ANKRD28: variants seen among roughly 807,000 people sequenced by gnomAD.
The protein encoded by ANKRD28 is serine/threonine-protein phosphatase 6 regulatory ankyrin repeat subunit A.
Under a neutral mutation model 126.5 loss-of-function variants are expected in ANKRD28, and 44 were observed. The observed-to-expected ratio is 0.35, with a 90% confidence interval of 0.27 to 0.45. The LOEUF is 0.45. Ranked by LOEUF, ANKRD28 falls within the 20% of genes least tolerant of loss-of-function variation. The pLI is 1.00. For missense variants in ANKRD28, 1,110 were observed against 1,316.6 expected, an observed-to-expected ratio of 0.84 and a Z score of 2.43; for synonymous variants, 442 against 468.5, an observed-to-expected ratio of 0.94 and a Z score of 0.73.
chr3:15,842,606 G>A (rs1182683480), intron 1 of ANKRD28, among the ~76,000 whole-genome samples: 4 of 152,150 alleles, frequency 2.6e-5, no homozygotes, highest in African/African-American at 9.7e-5. Context: ...ATAACACAAA[G>A]CACAAATGCT....
chr3:15,796,785 C>T lies in ANKRD28; in HGVS notation c.-264G>A. On this transcript the variant is annotated 5_prime_UTR_variant, in exon 1 of 28. Transcript: ENST00000683139. ...CAATACTTAAGAAGAAATTTCACACCAACATGTCAATAACTAAAACTGAGT... is the reference window on the plus strand; with the variant it reads ...CAATACTTAAGAAGAAATTTCACACTAACATGTCAATAACTAAAACTGAGT... 1 of 991,084 alleles carries T rather than the reference C, an allele frequency of 1.0e-6. No individual in the cohort carries two copies. Among genetic ancestry groups the T allele is most frequent in the South Asian group, 4.4e-5 (1 of 22,644 alleles). The allele number at this position is 991,084 out of a possible 1,614,324, so 61.4% of individuals were successfully genotyped here. A position where few individuals can be genotyped will look rare whatever the true frequency, so the allele number is the denominator to read the frequency against.
intron 3 of ANKRD28, among the ~76,000 whole-genome samples, chr3:15,762,301 T>C (rs769836593): frequency 6.6e-5 from 10 of 151,678 alleles, no homozygotes; most frequent in Admixed American, 2.6e-4. Flanking sequence ...TTATCCTCTA[T>C]AGTGTCAACT....
chr3:15,769,394 T>G (rs1046695530), intron 2 of ANKRD28, among the ~76,000 whole-genome samples: 1 of 152,192 alleles, frequency 6.6e-6, no homozygotes, highest in Non-Finnish European at 1.5e-5. Flanking sequence ...CAAAATGTAT[T>G]AAAATTAAAA....
Position 15,715,964 on chromosome 3 carries a change from A to T in ANKRD28, c.997-1308T>A, listed in dbSNP as rs2072962064. Reference sequence around the variant, plus strand: ...AGGATATATCCTAATTTTTAATGTTAATATTTTAGCTATGGCCTTTTTTTT... The same window carrying T: ...AGGATATATCCTAATTTTTAATGTTTATATTTTAGCTATGGCCTTTTTTTT... On this transcript the variant is annotated intron_variant, in intron 8 of 27. Transcript: ENST00000683139. 2.0e-5 allele frequency among the ~76,000 whole-genome samples: 3 copies of T among 151,384 alleles called. 1 individual carries two copies. In the South Asian group the frequency reaches 6.2e-4, roughly 32 times the overall value.
rs2058734774 is a variant in ANKRD28, at chr3:15,766,329, A to G, written c.202-17T>C. 6 of 1,591,020 alleles carry G rather than the reference A, an allele frequency of 3.8e-6. No individual in the cohort carries two copies. The African/African-American group carries it at 6.7e-5, about 18-fold the overall frequency. ...TTCATTGTCCTGTGATAATAAGGAAAGGTGGGAAATAAGTTTTAAAATAAG... is the reference window on the plus strand; with the variant it reads ...TTCATTGTCCTGTGATAATAAGGAAGGGTGGGAAATAAGTTTTAAAATAAG... On this transcript the variant is annotated splice_polypyrimidine_tract_variant and intron_variant, in intron 2 of 27. Coordinates refer to ENST00000683139, the MANE Select transcript of ANKRD28 (RefSeq NM_001349278.2).
intron 1 of ANKRD28, among the ~76,000 whole-genome samples, chr3:15,841,230 A>G (rs1477503142): frequency 6.6e-6 from 1 of 152,226 alleles, no homozygotes; most frequent in East Asian, 1.9e-4. Flanking sequence ...AAGACCTCAA[A>G]CTATGAAACT....
intron 6 of ANKRD28, among the ~76,000 whole-genome samples, chr3:15,728,205 AAAAAG>A (rs1469262515): frequency 6.6e-6 from 1 of 152,240 alleles, no homozygotes. Flanking sequence ...AAAATTAATA[AAAAAG>A]AAAAAACAAA....
intron 4 of ANKRD28, chr3:15,738,918 A>G (rs1358628232): frequency 4.6e-5 from 7 of 152,198 alleles, no homozygotes; most frequent in Non-Finnish European, 1.0e-4. Flanking sequence ...ACCTCCCCCT[A>G]GGAATGCATT....
intron 4 of ANKRD28, among the ~76,000 whole-genome samples, chr3:15,745,558 A>C (rs547468465): frequency 6.6e-6 from 1 of 152,186 alleles, no homozygotes; most frequent in South Asian, 2.1e-4. Flanking sequence ...TTTCTGTTCC[A>C]TTGCTCTATA....
intron 1 of ANKRD28, among the ~76,000 whole-genome samples, chr3:15,852,758 G>A (rs571638082): frequency 2.6e-5 from 4 of 151,350 alleles, no homozygotes; most frequent in Non-Finnish European, 5.9e-5. Flanking sequence ...GTATGAACCT[G>A]GGAGGTGGAG....
intron 17 of ANKRD28, among the ~76,000 whole-genome samples, chr3:15,691,685 A>G (rs2068824873): frequency 6.6e-6 from 1 of 152,234 alleles, no homozygotes. Context: ...AAGCTTGACT[A>G]TCTCAAAGAT....
At chr3:15,835,099 G>A (rs1045249980) in intron 1 of ANKRD28, among the ~76,000 whole-genome samples, 16 of 152,112 alleles carry the variant, frequency 1.1e-4, no homozygotes, top group African/African-American at 3.4e-4. Context: ...AGTGAGCTGA[G>A]ATCGCACCAC....
intron 1 of ANKRD28, among the ~76,000 whole-genome samples, chr3:15,825,267 G>A (rs568937852): frequency 6.6e-6 from 1 of 152,342 alleles, no homozygotes; most frequent in South Asian, 2.1e-4. Context: ...GCAGACGATA[G>A]GCATGAGGTT....
intron 1 of ANKRD28, among the ~76,000 whole-genome samples, chr3:15,836,529 G>C (rs1262263047): frequency 6.6e-6 from 1 of 152,134 alleles, no homozygotes; most frequent in African/African-American, 2.4e-5. Flanking sequence ...ATTAAAAAGA[G>C]AGATTGTTGG....
At chr3:15,738,984 T>C (rs1017592783) in intron 4 of ANKRD28, among the ~76,000 whole-genome samples, 1 of 152,190 alleles carries the variant, frequency 6.6e-6, no homozygotes, top group Non-Finnish European at 1.5e-5. Flanking sequence ...ATTTCTCCTA[T>C]TTGCTTTTGA....
chr3:15,713,585 G>A lies in ANKRD28; in HGVS notation c.1132C>T (p.Arg378Trp), dbSNP rs764801634. ...NGNTPLHIAA[R>W]YGHELLINTL... is the part of the protein sequence containing the mutation. ...TTGATCAGCAGCTCATGGCCATACC[G>A]TGCTGCTATGTGCAAAGGGGTATTT... Residue 378 changes from arginine (R) to tryptophan (W), a missense_variant, in exon 10 of 28, where the codon CGG (arginine) becomes TGG (tryptophan). Arg to Trp is a moderately radical substitution (Grantham distance 101, BLOSUM62 -3). Coordinates refer to ENST00000683139, the MANE Select transcript of ANKRD28 (RefSeq NM_001349278.2). The A allele has an allele frequency of 3.4e-5, 54 of 1,610,592 alleles. No individual in the cohort carries two copies. The highest frequency in any genetic ancestry group is 6.7e-5 in the African/African-American group (5 of 74,658).
At chr3:15,832,182 G>T (rs2061217982) in intron 1 of ANKRD28, among the ~76,000 whole-genome samples, 1 of 152,196 alleles carries the variant, frequency 6.6e-6, no homozygotes. Context: ...ACTTCAGATA[G>T]TGCTACAGGG....
At chr3:15,704,059 A>G (rs2071001338) in intron 14 of ANKRD28, among the ~76,000 whole-genome samples, 1 of 152,192 alleles carries the variant, frequency 6.6e-6, no homozygotes, top group Admixed American at 6.5e-5. Flanking sequence ...GGTGTGGAGA[A>G]GACCCACATG....
rs555689982 is a variant in ANKRD28, at chr3:15,713,533, G to C, written c.1184C>G (p.Thr395Ser). ...CACCTCGGTAAGTACTTACTTTGCAGTGTCAGCACCACTTGTAATAAGAGT... is the reference window on the plus strand; with the variant it reads ...CACCTCGGTAAGTACTTACTTTGCACTGTCAGCACCACTTGTAATAAGAGT... ...INTLITSGAD[T>S]AKRGIHGMFP... is the part of the protein sequence containing the mutation. Residue 395 changes from threonine to serine, a missense_variant, in exon 10 of 28, where the codon ACT becomes AGT. Physicochemically the swap from Thr to Ser is moderately conservative, Grantham distance 58 (BLOSUM62 1). Coordinates refer to ENST00000683139, the MANE Select transcript of ANKRD28 (RefSeq NM_001349278.2). 4.0e-5 allele frequency: 65 copies of C among 1,610,496 alleles called. No homozygotes were observed. In the South Asian group the frequency reaches 7.0e-4, roughly 17 times the overall value.
Sources: gnomAD v4.1 joint callset for allele counts (sites outside exome capture counted in the v4.1 genomes callset) on GRCh38, gnomAD v4.1.1 for gene constraint, MANE v1.5 for transcripts, NCBI Gene and HGNC (gene_info 2026-07-23, HGNC 2026-07-21) for gene names.